LIPC: variants seen among roughly 807,000 people sequenced by gnomAD.
The protein encoded by LIPC is lipase C, hepatic type, also known as hepatic triacylglycerol lipase.
Under a neutral mutation model 50.7 loss-of-function variants are expected in LIPC, and 44 were observed. The ratio of observed to expected loss-of-function variants is 0.87; its 90% confidence interval spans 0.68 to 1.11. LIPC has a LOEUF of 1.11. Ranked by LOEUF, LIPC falls within the 50% of genes most tolerant of loss-of-function variation. LIPC has a pLI of 0.00. For synonymous variants in LIPC, 271 were observed against 256.4 expected (o/e 1.06, Z -0.54); for missense variants, 697 against 648.2 (o/e 1.08, Z -0.82).
At chr15:58,526,608 G>C (rs1159636461) in intron 1 of LIPC, among the ~76,000 whole-genome samples, 1 of 152,248 alleles carries the variant, frequency 6.6e-6, no homozygotes, top group African/African-American at 2.4e-5. Context: ...CTAAGGCAGT[G>C]TGCTACCTAA....
chr15:58,445,396 C>T (rs545620789), intron 1 of LIPC, among the ~76,000 whole-genome samples: 1 of 152,340 alleles, frequency 6.6e-6, no homozygotes, highest in East Asian at 1.9e-4. Context: ...TCGCCCAGGC[C>T]TCAGACGAGG....
intron 6 of LIPC, among the ~76,000 whole-genome samples, chr15:58,557,711 G>A (rs1894006708): frequency 6.6e-6 from 1 of 152,082 alleles, no homozygotes; most frequent in Non-Finnish European, 1.5e-5. Flanking sequence ...ATTGCATTTA[G>A]CACTGGGCTA....
chr15:58,533,608 T>G (rs1893019889), intron 1 of LIPC, among the ~76,000 whole-genome samples: 1 of 152,170 alleles, frequency 6.6e-6, no homozygotes, highest in Non-Finnish European at 1.5e-5. Flanking sequence ...TTACGGCACT[T>G]TTTCCAAGTA....
At chr15:58,504,977 G>C (rs913754911) in intron 1 of LIPC, among the ~76,000 whole-genome samples, 3 of 152,186 alleles carry the variant, frequency 2.0e-5, no homozygotes, top group Non-Finnish European at 1.5e-5. Context: ...AACTCATGAG[G>C]CCAGTTATTT....
At chr15:58,464,702 G>C (rs1056521031) in intron 1 of LIPC, among the ~76,000 whole-genome samples, 1 of 152,202 alleles carries the variant, frequency 6.6e-6, no homozygotes, top group Admixed American at 6.5e-5. Flanking sequence ...GCCAGGCATG[G>C]TGGCTCACAC....
intron 1 of LIPC, among the ~76,000 whole-genome samples, chr15:58,442,363 A>G (rs913835744): frequency 6.6e-5 from 10 of 152,226 alleles, no homozygotes; most frequent in African/African-American, 2.2e-4. Context: ...AGCAATTCAA[A>G]GATTCCCAGA....
At position 58,563,609 on chromosome 15, in the gene LIPC, T is replaced by C. The variant is rs767561444; in HGVS notation, c.1274T>C (p.Val425Ala). The C allele has an allele frequency of 6.8e-6, 11 of 1,614,168 alleles. No individual in the cohort carries two copies. The highest frequency in any genetic ancestry group is 1.7e-5 in the Admixed American group (1 of 60,026). The part of the protein sequence containing the change: ...MIKFKWENSA[V>A]WANVWDTVQT... ...AAGTTCAAGTGGGAAAACAGTGCAG[T>C]GTGGGCCAATGTCTGGGACACGGTC... Residue 425 changes from valine to alanine, a missense_variant, in exon 8 of 9, where the codon GTG (valine) becomes GCG (alanine). Coordinates refer to ENST00000299022, the MANE Select transcript of LIPC (RefSeq NM_000236.3).
Position 58,568,798 on chromosome 15 carries a change from T to C in LIPC, c.1471T>C (p.Ser491Pro). 1 of 1,605,834 alleles carries C rather than the reference T, an allele frequency of 6.2e-7. No individual in the cohort carries two copies. Among genetic ancestry groups the C allele is most frequent in the Non-Finnish European group, 8.5e-7 (1 of 1,173,578 alleles). ...EKIFVKCEIK[S>P]KTSKRKIR is the part of the protein sequence containing the mutation. ...AATCTTCGTGAAATGTGAAATAAAG[T>C]CTAAAACATCAAAGCGAAAGATCAG... Residue 491 changes from serine (S) to proline (P), a missense_variant, in exon 9 of 9, where the codon TCT becomes CCT. Coordinates refer to ENST00000299022, the MANE Select transcript of LIPC (RefSeq NM_000236.3).
At chr15:58,568,189 T>C (rs1476796221) in intron 8 of LIPC, among the ~76,000 whole-genome samples, 2 of 152,170 alleles carry the variant, frequency 1.3e-5, no homozygotes, top group Non-Finnish European at 2.9e-5. Context: ...TAGTGGACAA[T>C]GTCAGCTCCA....
intron 1 of LIPC, among the ~76,000 whole-genome samples, chr15:58,532,805 C>A (rs576943014): frequency 6.2e-4 from 94 of 152,278 alleles, no homozygotes; most frequent in African/African-American, 2.2e-3. Context: ...CTGCTGATGT[C>A]CTTACCCAAA....
At chr15:58,485,005 G>A (rs1891319407) in intron 1 of LIPC, among the ~76,000 whole-genome samples, 1 of 152,136 alleles carries the variant, frequency 6.6e-6, no homozygotes, top group African/African-American at 2.4e-5. Context: ...TCAAGAAGAG[G>A]CTAAAACATG....
chr15:58,490,448 G>C (rs1239684377), intron 1 of LIPC, among the ~76,000 whole-genome samples: 2 of 152,166 alleles, frequency 1.3e-5, no homozygotes, highest in Non-Finnish European at 2.9e-5. Context: ...GGGTGAAACG[G>C]CATCACCAAC....
intron 1 of LIPC, among the ~76,000 whole-genome samples, chr15:58,537,468 T>C (rs1453982603): frequency 6.6e-6 from 1 of 152,220 alleles, no homozygotes; most frequent in Non-Finnish European, 1.5e-5. Context: ...GACATTCCTC[T>C]ACTCTTTTCT....
intron 1 of LIPC, among the ~76,000 whole-genome samples, chr15:58,531,643 A>AAAAC (rs1892964002): frequency 6.6e-6 from 1 of 151,126 alleles, no homozygotes; most frequent in East Asian, 1.9e-4. Flanking sequence ...AAAAAAAAAA[A>AAAAC]ACCCCAGAAT....
chr15:58,453,270 C>T lies in LIPC; in HGVS notation c.88+21150C>T, dbSNP rs555463053. ...GATACAGGTCAGTCTCTCTCCAAAA[C>T]TCCATCCTCATATCCCCAGCACCAC... On this transcript the variant is annotated intron_variant, in intron 1 of 8. Transcript: ENST00000299022. Among the ~76,000 whole-genome samples the T allele has an allele frequency of 2.2e-4, 33 of 152,276 alleles. 1 individual carries two copies. In the South Asian group the frequency reaches 6.6e-3, roughly 31 times the overall value.
intron 1 of LIPC, among the ~76,000 whole-genome samples, chr15:58,504,886 C>T (rs1892096859): frequency 1.3e-5 from 2 of 152,160 alleles, no homozygotes; most frequent in South Asian, 4.1e-4. Flanking sequence ...TTTACATGGC[C>T]TGCCATGCTT....
At chr15:58,447,963 CT>C (rs1893760162) in intron 1 of LIPC, among the ~76,000 whole-genome samples, 1 of 152,220 alleles carries the variant, frequency 6.6e-6, no homozygotes, top group Admixed American at 6.5e-5. Flanking sequence ...TCAAATCCAA[CT>C]GGATATCCCT....
chr15:58,436,335 G>T (rs1893294305), intron 1 of LIPC: 1 of 165,960 alleles, frequency 6.0e-6, no homozygotes, highest in East Asian at 1.8e-4. Context: ...CATCCTAGGT[G>T]ACCCCTGTAA....
chr15:58,537,026 T>C (rs1196941198), intron 1 of LIPC, among the ~76,000 whole-genome samples: 1 of 152,324 alleles, frequency 6.6e-6, no homozygotes. Flanking sequence ...ATGGGCTGAA[T>C]TGAGTTCACT....
Sources: allele counts gnomAD v4.1 joint callset (sites outside exome capture counted in the v4.1 genomes callset), GRCh38; gene constraint gnomAD v4.1.1; transcripts MANE v1.5; gene names NCBI Gene and HGNC (gene_info 2026-07-23, HGNC 2026-07-21).